Variants in ST6GALNAC5 observed in about 807,000 individuals in gnomAD.
ST6GALNAC5 encodes the protein alpha-N-acetylgalactosaminide alpha-2,6-sialyltransferase 5.
Under a neutral mutation model 33.6 loss-of-function variants are expected in ST6GALNAC5, and 27 were observed. The ratio of observed to expected loss-of-function variants is 0.80; its 90% CI spans 0.59 to 1.11. ST6GALNAC5 has a LOEUF of 1.11. Ranked by LOEUF, ST6GALNAC5 falls within the 50% of genes least tolerant of loss-of-function variation. ST6GALNAC5 has a pLI of 0.00. For missense variants in ST6GALNAC5, 428 were observed against 454.0 expected (o/e 0.94, Z 0.52); for synonymous variants, 194 against 171.2 (o/e 1.13, Z -1.04).
chr1:76,873,383 C>T (rs1653554399), intron 2 of ST6GALNAC5, among the ~76,000 whole-genome samples: 1 of 152,172 alleles, frequency 6.6e-6, no homozygotes. Flanking sequence ...TCTGCCCTTC[C>T]CCCAACTAGA....
At chr1:76,919,614 T>C (rs1647010931) in intron 2 of ST6GALNAC5, among the ~76,000 whole-genome samples, 1 of 152,188 alleles carries the variant, frequency 6.6e-6, no homozygotes, top group Non-Finnish European at 1.5e-5. Context: ...AGTCTTTGGT[T>C]TTAGAACCTG....
At position 77,065,704 on chromosome 1, in the gene ST6GALNAC5, A is replaced by T. The variant is rs1169817850; in HGVS notation, c.*2498A>T. ...TCAACACCATTAAATATAAACTCTG[A>T]TATAAAAGATGACTACAGAACCATG... On this transcript the variant is annotated 3_prime_UTR_variant, in exon 5 of 5. Coordinates refer to ENST00000477717, the MANE Select transcript of ST6GALNAC5 (RefSeq NM_030965.3). 6.6e-6 allele frequency: 1 copy of T among 152,202 alleles called. No individual in the cohort carries two copies. The highest frequency in any genetic ancestry group is 1.5e-5 in the Non-Finnish European group (1 of 68,028). 9.4% of individuals were successfully genotyped at this position (152,202 alleles called of 1,614,324 possible). A position where few individuals can be genotyped will look rare whatever the true frequency, so the allele number is the denominator to read the frequency against.
intron 2 of ST6GALNAC5, among the ~76,000 whole-genome samples, chr1:76,870,267 C>G (rs17099675): frequency 0.03 from 4,584 of 152,264 alleles, 219 homozygotes; most frequent in African/African-American, 0.11. Context: ...TAGCTTCTGA[C>G]TGTAGATGGC....
At chr1:76,994,854 T>A (rs1557752708) in intron 2 of ST6GALNAC5, among the ~76,000 whole-genome samples, 1 of 152,200 alleles carries the variant, frequency 6.6e-6, no homozygotes, top group Non-Finnish European at 1.5e-5. Context: ...CCTGTAGAAT[T>A]ATGGGCTTAT....
Position 76,867,647 on chromosome 1 carries a change from G to A in ST6GALNAC5, c.-29G>A, listed in dbSNP as rs776387581. 2.5e-6 allele frequency: 4 copies of A among 1,614,076 alleles called. No homozygotes were observed. The highest frequency in any genetic ancestry group is 1.1e-5 in the South Asian group (1 of 91,066). On this transcript the variant is annotated 5_prime_UTR_variant, in exon 1 of 5. The change abolishes the stop of an existing upstream ORF in the 5' untranslated region. Coordinates refer to ENST00000477717, the MANE Select transcript of ST6GALNAC5 (RefSeq NM_030965.3). Reference sequence around the variant, plus strand: ...AAAGTGGCCCCGGACGCGCGAGCCTGAGGATTCTGCACAAAAGAGGTGCCC... The same window carrying A: ...AAAGTGGCCCCGGACGCGCGAGCCTAAGGATTCTGCACAAAAGAGGTGCCC...
chr1:77,026,438 C>G (rs1315442657), intron 2 of ST6GALNAC5, among the ~76,000 whole-genome samples: 1 of 152,222 alleles, frequency 6.6e-6, no homozygotes, highest in East Asian at 1.9e-4. Flanking sequence ...TTGTGTGGAG[C>G]TGGGACTGAT....
At chr1:77,028,475 G>A (rs1488826470) in intron 2 of ST6GALNAC5, among the ~76,000 whole-genome samples, 1 of 151,980 alleles carries the variant, frequency 6.6e-6, no homozygotes, top group Non-Finnish European at 1.5e-5. Context: ...ATGGAAAGCC[G>A]AAACCCACTT....
intron 2 of ST6GALNAC5, among the ~76,000 whole-genome samples, chr1:76,936,759 G>C (rs1647208241): frequency 6.6e-6 from 1 of 151,964 alleles, no homozygotes; most frequent in Non-Finnish European, 1.5e-5. Flanking sequence ...ATTAATTGTT[G>C]AACTACTGAT....
At chr1:77,051,429 G>A (rs1429301870) in intron 4 of ST6GALNAC5, among the ~76,000 whole-genome samples, 1 of 152,138 alleles carries the variant, frequency 6.6e-6, no homozygotes, top group African/African-American at 2.4e-5. Flanking sequence ...AAAATGCTGG[G>A]GCTAGGCTGC....
chr1:76,992,417 C>G (rs1049334469), intron 2 of ST6GALNAC5, among the ~76,000 whole-genome samples: 4 of 152,150 alleles, frequency 2.6e-5, no homozygotes, highest in African/African-American at 9.7e-5. Context: ...CTTCCTGCCT[C>G]CAAATATTCC....
At chr1:76,986,964 C>T (rs1557749510) in intron 2 of ST6GALNAC5, among the ~76,000 whole-genome samples, 4 of 152,096 alleles carry the variant, frequency 2.6e-5, no homozygotes, top group Non-Finnish European at 4.4e-5. Context: ...GGGAATTGAA[C>T]AATGAGATCA....
chr1:76,944,424 A>C (rs1647440547), intron 2 of ST6GALNAC5, among the ~76,000 whole-genome samples: 1 of 152,062 alleles, frequency 6.6e-6, no homozygotes, highest in African/African-American at 2.4e-5. Flanking sequence ...ACAGAAAGCT[A>C]TTTAGGGTAC....
chr1:77,021,568 G>A (rs753085941), intron 2 of ST6GALNAC5, among the ~76,000 whole-genome samples: 6 of 152,156 alleles, frequency 3.9e-5, no homozygotes, highest in Non-Finnish European at 7.3e-5. Flanking sequence ...CCAATTGTGT[G>A]AGAACCTGCA....
intron 2 of ST6GALNAC5, among the ~76,000 whole-genome samples, chr1:77,025,261 G>C (rs148987733): frequency 6.6e-6 from 1 of 152,182 alleles, no homozygotes; most frequent in Non-Finnish European, 1.5e-5. Flanking sequence ...CATGGAGCCC[G>C]TGTGCTCACG....
At position 76,868,628 on chromosome 1, in the gene ST6GALNAC5, G is replaced by GCA. The variant is rs1210247116; in HGVS notation, c.147_148insCA (p.Ala50GlnfsTer41). 6 of 1,610,208 alleles carry GCA rather than the reference G, an allele frequency of 3.7e-6. No homozygotes were observed. The East Asian group carries it at 1.3e-4, about 36-fold the overall frequency. On this transcript the variant is annotated frameshift_variant, in exon 2 of 5. Coordinates refer to ENST00000477717, the MANE Select transcript of ST6GALNAC5 (RefSeq NM_030965.3). LOFTEE classifies it high-confidence loss of function. This position sits in a 1 kb window ranked among gnomAD's most constrained non-coding sequence, Gnocchi z 4.3. ...AGCAGCAGCAGCAACAGCAGCAGCAGGCGTCGGCCACCGGCAGCTCGCAGC... is the reference window on the plus strand; with the variant it reads ...AGCAGCAGCAGCAACAGCAGCAGCAGCAGCGTCGGCCACCGGCAGCTCGCAGC...
At position 76,894,088 on chromosome 1, in the gene ST6GALNAC5, G is replaced by C. The variant is rs141157661; in HGVS notation, c.261+25346G>C. ...ATTTTTGTTTTTTACCTTTGAAATC[G>C]GTTCAAGACAATGCCATTATGGAAA... On this transcript the variant is annotated intron_variant, in intron 2 of 4. Coordinates refer to ENST00000477717, the MANE Select transcript of ST6GALNAC5 (RefSeq NM_030965.3). Among the ~76,000 whole-genome samples the C allele has an allele frequency of 4.8e-3, 724 of 152,182 alleles. 3 individuals carry two copies. Among genetic ancestry groups the C allele is most frequent in the Non-Finnish European group, 7.8e-3 (532 of 68,002 alleles).
intron 2 of ST6GALNAC5, among the ~76,000 whole-genome samples, chr1:76,931,504 T>C (rs998377164): frequency 1.3e-5 from 2 of 152,112 alleles, no homozygotes; most frequent in African/African-American, 4.8e-5. Context: ...AATTATTGGG[T>C]GATTTTTCCT....
chr1:76,881,678 T>C (rs1179874506), intron 2 of ST6GALNAC5, among the ~76,000 whole-genome samples: 1 of 152,204 alleles, frequency 6.6e-6, no homozygotes, highest in Non-Finnish European at 1.5e-5. Context: ...CATAAAGATT[T>C]TGTGTTTCTT....
At chr1:76,890,542 T>C (rs965239385) in intron 2 of ST6GALNAC5, among the ~76,000 whole-genome samples, 2 of 128,534 alleles carry the variant, frequency 1.6e-5, no homozygotes, top group African/African-American at 5.7e-5. Flanking sequence ...GATTTTTACT[T>C]CAGTTTTTTT....
Sources: gnomAD v4.1 joint callset for allele counts (sites outside exome capture counted in the v4.1 genomes callset) on GRCh38, gnomAD v4.1.1 for gene constraint, Gnocchi (gnomAD v3.1) non-coding constraint, MANE v1.5 for transcripts, NCBI Gene and HGNC (gene_info 2026-07-23, HGNC 2026-07-21) for gene names.